DLG2: variants seen among roughly 807,000 people sequenced by gnomAD.
DLG2 encodes the protein discs large MAGUK scaffold protein 2, also known as disks large homolog 2.
DLG2 carries 45 observed loss-of-function variants against 132.5 expected under a neutral mutation model. That is an observed-to-expected ratio of 0.34 (90% CI 0.27 to 0.44). DLG2 has a LOEUF of 0.44. Ranked by LOEUF, DLG2 falls within the 20% of genes least tolerant of loss-of-function variation. The probability of loss-of-function intolerance (pLI) is 1.00; values close to 1 mark genes in which losing one functional copy is unlikely to be tolerated. For missense variants in DLG2, 1,045 were observed against 1,196.9 expected (o/e 0.87, Z 1.87); for synonymous variants, 424 against 419.6 (o/e 1.01, Z -0.13).
At chr11:85,351,563 T>C (rs1462950338) in intron 3 of DLG2, among the ~76,000 whole-genome samples, 1 of 152,228 alleles carries the variant, frequency 6.6e-6, no homozygotes, top group Non-Finnish European at 1.5e-5. Flanking sequence ...TAAATAGCTC[T>C]TATTATTTTG....
intron 6 of DLG2, among the ~76,000 whole-genome samples, chr11:85,093,160 A>C (rs2069096648): frequency 6.6e-6 from 1 of 152,202 alleles, no homozygotes; most frequent in Non-Finnish European, 1.5e-5. Flanking sequence ...GAACTTCTAT[A>C]TCAGCAAGTG....
At chr11:83,891,174 G>A (rs1213901956) in intron 15 of DLG2, among the ~76,000 whole-genome samples, 2 of 152,124 alleles carry the variant, frequency 1.3e-5, no homozygotes, top group Non-Finnish European at 2.9e-5. Flanking sequence ...TTCCTAGAAA[G>A]GTTGTGATGG....
chr11:85,094,753 T>C (rs1017666232), intron 6 of DLG2, among the ~76,000 whole-genome samples: 2 of 152,234 alleles, frequency 1.3e-5, no homozygotes, highest in Non-Finnish European at 1.5e-5. Flanking sequence ...TGTTCCACTT[T>C]CTTATCATTC....
At chr11:85,605,706 C>T (rs1012193646) in intron 2 of DLG2, among the ~76,000 whole-genome samples, 11 of 152,244 alleles carry the variant, frequency 7.2e-5, no homozygotes, top group South Asian at 2.1e-4. Context: ...CGGCTGGGAG[C>T]GGTGGCTCAC....
intron 3 of DLG2, among the ~76,000 whole-genome samples, chr11:85,324,133 CATTT>C (rs1399941113): frequency 2.0e-5 from 3 of 152,194 alleles, no homozygotes; most frequent in East Asian, 3.9e-4. Flanking sequence ...CTGAAATGAC[CATTT>C]ATTTAAGTCA....
intron 19 of DLG2, among the ~76,000 whole-genome samples, chr11:83,586,230 G>T (rs368191214): frequency 5.9e-5 from 9 of 152,238 alleles, no homozygotes; most frequent in African/African-American, 2.2e-4. Flanking sequence ...CAGCCTTTTG[G>T]CATTTGTGTG....
chr11:85,409,807 A>G (rs1260883464), intron 3 of DLG2, among the ~76,000 whole-genome samples: 1 of 151,946 alleles, frequency 6.6e-6, no homozygotes, highest in African/African-American at 2.4e-5. Flanking sequence ...AAATGGGAAG[A>G]GAAGTACTTA....
chr11:84,795,208 G>A (rs1292738769), intron 6 of DLG2, among the ~76,000 whole-genome samples: 1 of 152,214 alleles, frequency 6.6e-6, no homozygotes, highest in Non-Finnish European at 1.5e-5. Flanking sequence ...TGCCTGTGGA[G>A]AGGAGCTCCC....
intron 3 of DLG2, among the ~76,000 whole-genome samples, chr11:85,466,342 T>C (rs2092789469): frequency 6.6e-6 from 1 of 152,226 alleles, no homozygotes; most frequent in Non-Finnish European, 1.5e-5. Flanking sequence ...ATTTTGGCTT[T>C]TGTTGCCATT....
chr11:83,845,572 C>T lies in DLG2; in HGVS notation c.1566-11802G>A, dbSNP rs75439465. 8.4e-3 allele frequency among the ~76,000 whole-genome samples: 1,285 copies of T among 152,264 alleles called. 14 individuals carry two copies. The highest frequency in any genetic ancestry group is 0.03 in the African/African-American group (1,229 of 41,532). On this transcript the variant is annotated intron_variant, in intron 16 of 27. Transcript: ENST00000376104. ...TGTTATTAAAATAATAGAAAGAAAT[C>T]TGTCATCATAAGGGGGGATCTATGC...
intron 7 of DLG2, among the ~76,000 whole-genome samples, chr11:84,257,339 T>A (rs1440439285): frequency 6.6e-6 from 1 of 152,204 alleles, no homozygotes; most frequent in African/African-American, 2.4e-5. Flanking sequence ...TTTGGAGGAT[T>A]TACTTGGAAC....
At chr11:85,237,703 C>A (rs2075662206) in intron 4 of DLG2, among the ~76,000 whole-genome samples, 2 of 151,946 alleles carry the variant, frequency 1.3e-5, no homozygotes, top group Non-Finnish European at 2.9e-5. Flanking sequence ...TGCAACTGAC[C>A]AGCAATAATG....
At chr11:85,036,968 AC>A (rs1289598729) in intron 6 of DLG2, among the ~76,000 whole-genome samples, 3 of 152,112 alleles carry the variant, frequency 2.0e-5, no homozygotes, top group South Asian at 2.1e-4. Flanking sequence ...TCTCAGAAGT[AC>A]CCCCAGGACT....
At chr11:85,283,745 T>C (rs545636164) in intron 4 of DLG2, among the ~76,000 whole-genome samples, 1 of 152,048 alleles carries the variant, frequency 6.6e-6, no homozygotes, top group Admixed American at 6.6e-5. Flanking sequence ...ACTAAAGATA[T>C]AGGCAGATTG....
chr11:85,429,410 A>C (rs1211440980), intron 3 of DLG2, among the ~76,000 whole-genome samples: 1 of 152,210 alleles, frequency 6.6e-6, no homozygotes, highest in Non-Finnish European at 1.5e-5. Flanking sequence ...AAATACCATC[A>C]GAGTGAACAG....
intron 12 of DLG2, among the ~76,000 whole-genome samples, chr11:83,969,221 A>G (rs1338798903): frequency 6.6e-6 from 1 of 152,184 alleles, no homozygotes; most frequent in African/African-American, 2.4e-5. Context: ...TCCTTACGAG[A>G]TGAAAATGAG....
In DLG2 at chr11:85,431,608, C is replaced by T. The variant is rs185231716; in HGVS notation, c.41-146243G>A. ...TCCTTGGGGGAGGGGTGGCAGCCAA[C>T]ACTGCAGCTTCAGGGCCAACAACTC... On this transcript the variant is annotated intron_variant, in intron 3 of 27. Transcript: ENST00000376104. 1.8e-3 allele frequency among the ~76,000 whole-genome samples: 277 copies of T among 152,350 alleles called. 2 individuals carry two copies. Among genetic ancestry groups the T allele is most frequent in the Admixed American group, 2.4e-3 (37 of 15,312 alleles).
chr11:84,711,407 A>G (rs1216225498), intron 6 of DLG2, among the ~76,000 whole-genome samples: 1 of 22,698 alleles, frequency 4.4e-5, no homozygotes, highest in Non-Finnish European at 8.7e-5. Flanking sequence ...ATCCTCCCCC[A>G]CCCCCTCCCC....
At chr11:85,390,822 C>T (rs1216282430) in intron 3 of DLG2, among the ~76,000 whole-genome samples, 1 of 151,790 alleles carries the variant, frequency 6.6e-6, no homozygotes, top group African/African-American at 2.4e-5. Flanking sequence ...GCATTAAATG[C>T]CTATATCAAA....
Sources: allele counts gnomAD v4.1 joint callset (sites outside exome capture counted in the v4.1 genomes callset), GRCh38; gene constraint gnomAD v4.1.1; transcripts MANE v1.5; gene names NCBI Gene and HGNC (gene_info 2026-07-23, HGNC 2026-07-21).